Variants in SUSD4 observed in about 807,000 individuals in gnomAD.
SUSD4 encodes sushi domain containing 4, also known as sushi domain-containing protein 4.
SUSD4 carries 41 observed loss-of-function variants against 50.5 expected under a neutral mutation model. The observed-to-expected ratio is 0.81, with a 90% CI of 0.63 to 1.05. SUSD4 has a LOEUF of 1.05. Among genes scored for constraint, SUSD4 ranks in the 50% least tolerant of loss-of-function variants. The pLI is 0.00. For synonymous variants in SUSD4, 257 were observed against 257.3 expected (o/e 1.00, Z 0.01); for missense variants, 580 against 634.7 (o/e 0.91, Z 0.93).
Position 223,294,440 on chromosome 1 carries a change from C to T in SUSD4, c.149-1789G>A, listed in dbSNP as rs76161218. Among the ~76,000 whole-genome samples, 420 of 152,314 alleles carry T rather than the reference C, an allele frequency of 2.8e-3. 4 individuals carry two copies. The highest frequency in any genetic ancestry group is 9.6e-3 in the African/African-American group (398 of 41,570). ...CTCAGCTGCAGGTGAATTCCCCCAC[C>T]CCAGCTTTTATGTGCTTGTGTAGGA... On this transcript the variant is annotated intron_variant, in intron 2 of 8. Transcript: ENST00000366878.
intron 2 of SUSD4, among the ~76,000 whole-genome samples, chr1:223,328,704 G>A (rs1343544583): frequency 2.0e-5 from 3 of 152,056 alleles, no homozygotes; most frequent in African/African-American, 7.2e-5. Context: ...GGCTTGTGTC[G>A]ACCTGATTCA....
At chr1:223,264,953 A>G (rs1571919697) in intron 4 of SUSD4, 135 bp from the exon 5 acceptor site, 1 of 846,686 alleles carries the variant, frequency 1.2e-6, no homozygotes, top group Middle Eastern at 3.6e-4. Context: ...TGAAGAATGA[A>G]GCACCTTGGT....
At chr1:223,313,257 T>A (rs1451139588) in intron 2 of SUSD4, among the ~76,000 whole-genome samples, 1 of 152,118 alleles carries the variant, frequency 6.6e-6, no homozygotes, top group African/African-American at 2.4e-5. Context: ...GGCATGCAGA[T>A]TGAGTCCAAC....
At chr1:223,313,983 T>A (rs1338899661) in intron 2 of SUSD4, among the ~76,000 whole-genome samples, 1 of 152,156 alleles carries the variant, frequency 6.6e-6, no homozygotes. Flanking sequence ...ATTTAGCATA[T>A]AATCAAGAAA....
At chr1:223,341,901 CAAGTT>C (rs1236307388) in intron 2 of SUSD4, among the ~76,000 whole-genome samples, 1 of 152,026 alleles carries the variant, frequency 6.6e-6, no homozygotes, top group Non-Finnish European at 1.5e-5. Context: ...CCATCTGCGC[CAAGTT>C]AAGTAACTTC....
Position 223,231,184 on chromosome 1 carries a change from C to T in SUSD4, c.725-1796G>A, listed in dbSNP as rs1037311624. On this transcript the variant is annotated intron_variant, in intron 5 of 8. Coordinates refer to ENST00000366878, the MANE Select transcript of SUSD4 (RefSeq NM_017982.4). This position sits in a 1 kb window ranked among gnomAD's most constrained non-coding sequence, Gnocchi z 4.2. ...GCTGGAGATGTCCCCAGGGCAGGAA[C>T]AGTGAGGGAGAAGTAGCCTGGTTCT... Among the ~76,000 whole-genome samples, 3 of 152,134 alleles carry T rather than the reference C, an allele frequency of 2.0e-5. No individual in the cohort carries two copies. Among genetic ancestry groups the T allele is most frequent in the East Asian group, 1.9e-4 (1 of 5,184 alleles).
At chr1:223,345,031 A>G (rs899276927) in intron 2 of SUSD4, among the ~76,000 whole-genome samples, 4 of 152,254 alleles carry the variant, frequency 2.6e-5, no homozygotes, top group Non-Finnish European at 5.9e-5. Flanking sequence ...TAAAGTTAAT[A>G]TAAGTAATTT....
chr1:223,356,394 CA>C (rs1668668216), intron 2 of SUSD4, among the ~76,000 whole-genome samples: 1 of 151,816 alleles, frequency 6.6e-6, no homozygotes, highest in South Asian at 2.1e-4. Flanking sequence ...CACACATTCA[CA>C]AATCTCAGAT....
intron 3 of SUSD4, among the ~76,000 whole-genome samples, chr1:223,291,156 CCTTTA>C (rs1328080090): frequency 2.0e-5 from 3 of 152,096 alleles, no homozygotes; most frequent in African/African-American, 7.2e-5. Flanking sequence ...TCTTATCTAT[CCTTTA>C]CAATTTCCAG....
intron 2 of SUSD4, among the ~76,000 whole-genome samples, chr1:223,356,893 G>A (rs891947070): frequency 1.3e-5 from 2 of 152,140 alleles, no homozygotes; most frequent in African/African-American, 4.8e-5. Context: ...TAAAGGTGGC[G>A]ATACAGCTAA....
intron 5 of SUSD4, among the ~76,000 whole-genome samples, chr1:223,253,377 G>T (rs978785233): frequency 5.9e-5 from 9 of 152,074 alleles, no homozygotes; most frequent in African/African-American, 2.2e-4. Context: ...TAGGCATGAT[G>T]GTTACCATTT....
At chr1:223,238,178 G>A (rs184198691) in intron 5 of SUSD4, among the ~76,000 whole-genome samples, 1 of 152,040 alleles carries the variant, frequency 6.6e-6, no homozygotes, top group African/African-American at 2.4e-5. Context: ...ATGTCCATGG[G>A]ATCTGTAGTG....
At chr1:223,327,827 G>A (rs775429955) in intron 2 of SUSD4, among the ~76,000 whole-genome samples, 4 of 152,288 alleles carry the variant, frequency 2.6e-5, no homozygotes, top group Admixed American at 2.0e-4. Context: ...TCAGAAATTC[G>A]TTAAGAGGTT....
intron 2 of SUSD4, among the ~76,000 whole-genome samples, chr1:223,297,986 C>A (rs926161769): frequency 1.3e-5 from 2 of 150,620 alleles, no homozygotes; most frequent in African/African-American, 4.9e-5. Context: ...GGCTGGTTGG[C>A]TAGGTGAATG....
At chr1:223,223,217 G>C (rs1321336042) in intron 8 of SUSD4, 32 bp downstream of exon 8, 7 of 1,507,876 alleles carry the variant, frequency 4.6e-6, no homozygotes, top group Non-Finnish European at 5.3e-6. Flanking sequence ...GGTGTTTGCA[G>C]GTGTGGCTTG....
chr1:223,346,138 G>A (rs981115668), intron 2 of SUSD4, among the ~76,000 whole-genome samples: 2 of 152,030 alleles, frequency 1.3e-5, no homozygotes, highest in African/African-American at 2.4e-5. Flanking sequence ...CTAGACAGTC[G>A]TAGCACACAC....
chr1:223,268,841 G>C lies in SUSD4; in HGVS notation c.362-166C>G, dbSNP rs1020121350. ...GCTCAGGTGCCAATGACGAGCAGAA[G>C]AGGTGGCTTCACGGGAGTAACGAGA... is the stretch of plus-strand genomic sequence containing the variant. On this transcript the variant is annotated intron_variant, in intron 3 of 8. Transcript: ENST00000366878. 2.6e-5 allele frequency among the ~76,000 whole-genome samples: 4 copies of C among 152,232 alleles called. No individual in the cohort carries two copies. The East Asian group carries it at 7.7e-4, about 29-fold the overall frequency.
At chr1:223,319,557 A>T (rs1177860844) in intron 2 of SUSD4, among the ~76,000 whole-genome samples, 4 of 152,070 alleles carry the variant, frequency 2.6e-5, no homozygotes, top group Non-Finnish European at 5.9e-5. Flanking sequence ...CACCCCCTTA[A>T]TCCACTCCTG....
chr1:223,312,394 T>C (rs1297705287), intron 2 of SUSD4, among the ~76,000 whole-genome samples: 2 of 152,112 alleles, frequency 1.3e-5, no homozygotes, highest in Non-Finnish European at 2.9e-5. Flanking sequence ...TCACTCGGGC[T>C]CCTGGGGATA....
Sources: allele counts gnomAD v4.1 joint callset (sites outside exome capture counted in the v4.1 genomes callset), GRCh38; gene constraint gnomAD v4.1.1; non-coding constraint Gnocchi (gnomAD v3.1); transcripts MANE v1.5; gene names NCBI Gene and HGNC (gene_info 2026-07-23, HGNC 2026-07-21).